The following MYLK variants were observed in gnomAD, a reference collection of about 807,000 sequenced individuals.
The protein encoded by MYLK is myosin light chain kinase.
A neutral mutation model predicts 203.4 loss-of-function variants in MYLK; 106 were observed. That is an observed-to-expected ratio of 0.52 (90% CI 0.45 to 0.61). The LOEUF is 0.61. Among genes scored for constraint, MYLK ranks in the 20% least tolerant of loss-of-function variants. The pLI, the probability that MYLK is intolerant of heterozygous loss-of-function variation, is 0.00. For synonymous variants in MYLK, 867 were observed against 959.5 expected (o/e 0.90, Z 1.78); for missense variants, 2,072 against 2,442.3 (o/e 0.85, Z 3.20).
intron 4 of MYLK, among the ~76,000 whole-genome samples, chr3:123,776,332 A>G (rs1460593685): frequency 6.6e-6 from 1 of 152,306 alleles, no homozygotes; most frequent in South Asian, 2.1e-4. Flanking sequence ...TTCCTTACTG[A>G]TAACAGTGCA....
chr3:123,810,421 C>T (rs1178414027), intron 3 of MYLK, among the ~76,000 whole-genome samples: 5 of 152,200 alleles, frequency 3.3e-5, no homozygotes, highest in African/African-American at 9.6e-5. Flanking sequence ...CTGGAGCTGG[C>T]GTCTGTTGAG....
intron 5 of MYLK, among the ~76,000 whole-genome samples, chr3:123,749,002 G>A (rs923684049): frequency 6.6e-6 from 1 of 152,166 alleles, no homozygotes; most frequent in Non-Finnish European, 1.5e-5. Flanking sequence ...CCAGGAGGCA[G>A]AGGTTGCAGT....
intron 24 of MYLK, among the ~76,000 whole-genome samples, chr3:123,654,383 G>A (rs2059325660): frequency 6.6e-6 from 1 of 151,994 alleles, no homozygotes; most frequent in Admixed American, 6.6e-5. Flanking sequence ...TGAATCAGAT[G>A]ACAGTTTCCA....
chr3:123,837,032 T>C (rs754621224), intron 2 of MYLK, among the ~76,000 whole-genome samples: 1 of 152,176 alleles, frequency 6.6e-6, no homozygotes, highest in Admixed American at 6.6e-5. Context: ...GCTTCAGTTA[T>C]AGTAACATTT....
intron 2 of MYLK, among the ~76,000 whole-genome samples, chr3:123,862,534 C>G (rs1034718269): frequency 2.6e-5 from 4 of 152,182 alleles, no homozygotes; most frequent in African/African-American, 9.7e-5. Context: ...GTCTGTCTAA[C>G]AGAGAGTAGG....
chr3:123,739,985 C>CTGTTT lies in MYLK; in HGVS notation c.389_390insAAACA (p.Leu131AsnfsTer12). 6.2e-7 allele frequency: 1 copy of CTGTTT among 1,613,982 alleles called. No individual in the cohort carries two copies. Among genetic ancestry groups the CTGTTT allele is most frequent in the Non-Finnish European group, 8.5e-7 (1 of 1,179,870 alleles). On this transcript the variant is annotated frameshift_variant, in exon 6 of 34. Coordinates refer to ENST00000360304, the MANE Select transcript of MYLK (RefSeq NM_053025.4). LOFTEE classifies it high-confidence loss of function. Reference sequence around the variant, plus strand: ...TTTTGGAAACAACAGGCTGACCAAGCTGCTTCGCAAAACTTCCTGCAAGAA... The same window carrying CTGTTT: ...TTTTGGAAACAACAGGCTGACCAAGCTGTTTTGCTTCGCAAAACTTCCTGCAAGAA...
In MYLK at chr3:123,612,421, A is replaced by C. The variant is rs942234365; in HGVS notation, c.*1684T>G. The C allele has an allele frequency of 1.3e-4, 20 of 152,632 alleles. No individual in the cohort carries two copies. Among genetic ancestry groups the C allele is most frequent in the African/African-American group, 4.6e-4 (19 of 41,446 alleles). The allele number at this position is 152,632 out of a possible 1,614,324, so 9.5% of individuals were successfully genotyped here. ...AGAGAACATTAACACAATTCCAAGA[A>C]GGCATTAACCTGTAACACACATATA... On this transcript the variant is annotated 3_prime_UTR_variant, in exon 34 of 34. Coordinates refer to ENST00000360304, the MANE Select transcript of MYLK (RefSeq NM_053025.4).
intron 4 of MYLK, among the ~76,000 whole-genome samples, chr3:123,783,592 T>C (rs532978578): frequency 7.9e-5 from 12 of 152,166 alleles, no homozygotes; most frequent in Non-Finnish European, 1.5e-4. Context: ...GGCATTTTTA[T>C]TGTGCTTTTA....
chr3:123,870,355 G>T (rs1179648931), intron 2 of MYLK, among the ~76,000 whole-genome samples: 1 of 152,160 alleles, frequency 6.6e-6, no homozygotes, highest in Non-Finnish European at 1.5e-5. Context: ...CTCCTGGGGG[G>T]ACCAAAAAGG....
Position 123,733,703 on chromosome 3 carries a change from G to A in MYLK, c.1293C>T (p.Val431=). ...TCTACTCACCTTCACATCTGAACTTGACAGTTTGATTTTCCTTGACCTCCT... is the reference window on the plus strand; with the variant it reads ...TCTACTCACCTTCACATCTGAACTTAACAGTTTGATTTTCCTTGACCTCCT... The part of the protein sequence containing the change: ...QSQEVKENQT[V]KFRCEVSGIP... The change falls in exon 10 of 34, where the codon GTC becomes GTT. Residue 431 remains valine, a synonymous_variant. Transcript: ENST00000360304. The A allele has an allele frequency of 6.2e-7, 1 of 1,614,154 alleles. No homozygotes were observed. Among genetic ancestry groups the A allele is most frequent in the Non-Finnish European group, 8.5e-7 (1 of 1,180,044 alleles).
chr3:123,633,193 A>G (rs112249998), intron 29 of MYLK, among the ~76,000 whole-genome samples: 1 of 151,974 alleles, frequency 6.6e-6, no homozygotes, highest in Non-Finnish European at 1.5e-5. Context: ...TGGCGTGATC[A>G]TGGCTCATTG....
chr3:123,711,183 G>A (rs1295923528), intron 13 of MYLK, among the ~76,000 whole-genome samples: 4 of 152,128 alleles, frequency 2.6e-5, no homozygotes, highest in African/African-American at 9.7e-5. Context: ...GTGACAGAAA[G>A]CAGGTCAGTA....
Position 123,704,436 on chromosome 3 carries a change from C to T in MYLK, c.2391-2927G>A, listed in dbSNP as rs145336237. ...AGATGAGGCCCCATCCCAGGAGCTGCCACAGAGCATATGGGGCTATCATCC... is the reference window on the plus strand; with the variant it reads ...AGATGAGGCCCCATCCCAGGAGCTGTCACAGAGCATATGGGGCTATCATCC... On this transcript the variant is annotated intron_variant, in intron 16 of 33. Transcript: ENST00000360304. 9.0e-3 allele frequency among the ~76,000 whole-genome samples: 1,378 copies of T among 152,268 alleles called. 25 individuals are homozygous for T. Among genetic ancestry groups the T allele is most frequent in the African/African-American group, 0.031 (1,293 of 41,552 alleles).
chr3:123,837,976 G>C (rs1457020147), intron 2 of MYLK, among the ~76,000 whole-genome samples: 1 of 152,164 alleles, frequency 6.6e-6, no homozygotes, highest in Non-Finnish European at 1.5e-5. Flanking sequence ...CTCAGAAAGA[G>C]AAGAAATAGA....
Position 123,714,165 on chromosome 3 carries a change from G to A in MYLK, c.1805-4272C>T, listed in dbSNP as rs927924880. Among the ~76,000 whole-genome samples the A allele has an allele frequency of 3.9e-4, 59 of 152,180 alleles. 1 individual carries two copies. Among genetic ancestry groups the A allele is most frequent in the Admixed American group, 2.4e-3 (37 of 15,278 alleles). On this transcript the variant is annotated intron_variant, in intron 13 of 33. Transcript: ENST00000360304. The stretch of plus-strand genomic sequence containing the variant: ...ACCCTCAACATCTCGGAAGTATTGG[G>A]CAGATTGTGTCTGTTTTACAGTGGA...
Position 123,701,510 on chromosome 3 carries a change from C to T in MYLK, c.2391-1G>A. 6.2e-7 allele frequency: 1 copy of T among 1,613,766 alleles called. No individual in the cohort carries two copies. ...GCAACTGCATTCGCCAACCCGGTTC[C>T]TGAAGAATTCCAAAGATCAATAAAG... On this transcript the variant is annotated splice_acceptor_variant, in intron 16 of 33. Coordinates refer to ENST00000360304, the MANE Select transcript of MYLK (RefSeq NM_053025.4). LOFTEE classifies it high-confidence loss of function.
intron 4 of MYLK, 22 bp from the exon 5 acceptor site, chr3:123,752,560 G>GT (rs1382572678): frequency 6.3e-7 from 1 of 1,595,378 alleles, no homozygotes; most frequent in Admixed American, 1.7e-5. Context: ...AGAAGAAAGG[G>GT]TAAGAGCCTG....
chr3:123,785,473 G>A lies in MYLK; in HGVS notation c.165+8204C>T, dbSNP rs149488782. ...AAAATTTGGGAGCACATTCAAGCTT[G>A]CTGGGATATCAAGGTTAGCATTCTA... On this transcript the variant is annotated intron_variant, in intron 4 of 33. Coordinates refer to ENST00000360304, the MANE Select transcript of MYLK (RefSeq NM_053025.4). Among the ~76,000 whole-genome samples, 9 of 152,364 alleles carry A rather than the reference G, an allele frequency of 5.9e-5. No homozygotes were observed. The East Asian group carries it at 1.7e-3, about 29-fold the overall frequency.
intron 4 of MYLK, among the ~76,000 whole-genome samples, chr3:123,753,324 G>A (rs1206693918): frequency 6.6e-6 from 1 of 152,234 alleles, no homozygotes; most frequent in Non-Finnish European, 1.5e-5. Flanking sequence ...GTGGCTACTA[G>A]AAAAGTTACA....
Sources: gnomAD v4.1 joint callset for allele counts (sites outside exome capture counted in the v4.1 genomes callset) on GRCh38, gnomAD v4.1.1 for gene constraint, MANE v1.5 for transcripts, NCBI Gene and HGNC (gene_info 2026-07-23, HGNC 2026-07-21) for gene names.